KIF18A: variants seen among roughly 807,000 people sequenced by gnomAD.
KIF18A encodes the protein kinesin-like protein KIF18A.
KIF18A carries 67 observed loss-of-function variants against 103.3 expected under a neutral mutation model. The observed-to-expected ratio is 0.65, with a 90% CI of 0.53 to 0.79. KIF18A has a LOEUF of 0.79. Among genes scored for constraint, KIF18A ranks in the 30% least tolerant of loss-of-function variants. The pLI, the probability that KIF18A is intolerant of heterozygous loss-of-function variation, is 0.00. For synonymous variants in KIF18A, 367 were observed against 355.5 expected, an observed-to-expected ratio of 1.03 and a Z score of -0.36; for missense variants, 1,032 against 1,062.5, an observed-to-expected ratio of 0.97 and a Z score of 0.40.
intron 3 of KIF18A, among the ~76,000 whole-genome samples, chr11:28,093,529 T>G (rs1480572147): frequency 1.3e-5 from 2 of 152,138 alleles, no homozygotes; most frequent in Non-Finnish European, 2.9e-5. Context: ...TTAGTTACCA[T>G]TTGTTGACTA....
intron 15 of KIF18A, among the ~76,000 whole-genome samples, chr11:28,033,745 TG>T (rs796833064): frequency 1.3e-5 from 2 of 151,558 alleles, no homozygotes; most frequent in African/African-American, 4.8e-5. Context: ...GGATGGTTAA[TG>T]GGGGGATGCT....
rs981327353 is a variant in KIF18A at position 28,092,784 on chromosome 11, C to T, written c.484-1271G>A. Among the ~76,000 whole-genome samples the T allele has an allele frequency of 2.0e-5, 3 of 152,108 alleles. No homozygotes were observed. The East Asian group carries it at 5.8e-4, about 29-fold the overall frequency. The stretch of plus-strand genomic sequence containing the variant: ...ACAATTCTCTACAATGAATGATAGG[C>T]ATTAGAATGTAATAAACCCTTAAAA... On this transcript the variant is annotated intron_variant, in intron 3 of 16. Coordinates refer to ENST00000263181, the MANE Select transcript of KIF18A (RefSeq NM_031217.4).
chr11:28,084,750 G>T lies in KIF18A; in HGVS notation c.956C>A (p.Ser319Tyr). The change falls in exon 7 of 17, where the codon TCT (serine) becomes TAT (tyrosine). Residue 319 changes from serine to tyrosine, a missense_variant. Ser to Tyr is a moderately radical substitution (Grantham distance 144). Transcript: ENST00000263181. ...TATAGTTTGACAGTTTCCTCCAAGA[G>T]AATCCTTTAACAAGCGAGTAAGCTT... ...NSKLTRLLKD[S>Y]LGGNCQTIMI... 2 of 1,613,000 alleles carry T rather than the reference G, an allele frequency of 1.2e-6. No homozygotes were observed. Among genetic ancestry groups the T allele is most frequent in the South Asian group, 1.1e-5 (1 of 91,046 alleles).
intron 1 of KIF18A, among the ~76,000 whole-genome samples, chr11:28,105,737 A>G (rs1851496044): frequency 6.6e-6 from 1 of 152,218 alleles, no homozygotes; most frequent in Non-Finnish European, 1.5e-5. Context: ...CTTGTCAGAT[A>G]TCACAGAGTG....
chr11:28,066,240 A>C (rs1850921701), intron 11 of KIF18A, among the ~76,000 whole-genome samples: 1 of 152,092 alleles, frequency 6.6e-6, no homozygotes, highest in Non-Finnish European at 1.5e-5. Flanking sequence ...AATAAACTGA[A>C]AAGTACTGTC....
rs750548865 is a variant in KIF18A at position 28,066,832 on chromosome 11, T to TATTAC, written c.1590+2426_1590+2427insGTAAT. 8.1e-3 allele frequency among the ~76,000 whole-genome samples: 1,208 copies of TATTAC among 148,884 alleles called. 10 individuals carry two copies. Among genetic ancestry groups the TATTAC allele is most frequent in the South Asian group, 0.019 (90 of 4,754 alleles). Reference sequence around the variant, plus strand: ...TATTATATTATATTATATTATATTATATGATGCAGTTAACTCTGTTGTTAA... The same window carrying TATTAC: ...TATTATATTATATTATATTATATTATATTACATGATGCAGTTAACTCTGTTGTTAA... On this transcript the variant is annotated intron_variant, in intron 11 of 16. Transcript: ENST00000263181.
At chr11:28,091,067 G>A (rs890794643) in intron 4 of KIF18A, among the ~76,000 whole-genome samples, 1 of 151,788 alleles carries the variant, frequency 6.6e-6, no homozygotes, top group Non-Finnish European at 1.5e-5. Flanking sequence ...ATAACATGGT[G>A]AACTCCCGCT....
intron 14 of KIF18A, among the ~76,000 whole-genome samples, chr11:28,035,723 G>A (rs897474507): frequency 6.6e-6 from 1 of 151,518 alleles, no homozygotes; most frequent in Non-Finnish European, 1.5e-5. Flanking sequence ...GCATAGAATA[G>A]TGAAGGTATT....
chr11:28,062,729 T>A (rs1034596674), intron 11 of KIF18A, among the ~76,000 whole-genome samples: 1 of 152,062 alleles, frequency 6.6e-6, no homozygotes, highest in Non-Finnish European at 1.5e-5. Flanking sequence ...AACTGAATGT[T>A]AGGAATTCAG....
chr11:28,079,268 A>G lies in KIF18A; in HGVS notation c.1263-2099T>C, dbSNP rs1285158010. ...TATGGAATCAGTTACTCTAAATTTG[A>G]GAAGCTGGAGAATTCTAATAGATAT... On this transcript the variant is annotated intron_variant, in intron 9 of 16. Coordinates refer to ENST00000263181, the MANE Select transcript of KIF18A (RefSeq NM_031217.4). Among the ~76,000 whole-genome samples the G allele has an allele frequency of 3.9e-5, 6 of 152,060 alleles. No homozygotes were observed. The East Asian group carries it at 1.2e-3, about 29-fold the overall frequency.
At chr11:28,025,354 T>C (rs1850303392) in intron 15 of KIF18A, among the ~76,000 whole-genome samples, 1 of 152,086 alleles carries the variant, frequency 6.6e-6, no homozygotes, top group Non-Finnish European at 1.5e-5. Flanking sequence ...AGAAATTCTT[T>C]TTTGATCATT....
rs76754572 is a variant in KIF18A at position 28,105,849 on chromosome 11, C to A, written c.-47+2215G>T. Among the ~76,000 whole-genome samples, 50 of 152,314 alleles carry A rather than the reference C, an allele frequency of 3.3e-4. No homozygotes were observed. In the East Asian group the frequency reaches 9.6e-3, roughly 29 times the overall value. On this transcript the variant is annotated intron_variant, in intron 1 of 16. Coordinates refer to ENST00000263181, the MANE Select transcript of KIF18A (RefSeq NM_031217.4). Reference sequence around the variant, plus strand: ...TGCTTTTCATTTGAGTATGTACACTCTGTCTCATGCATTATAGTAAACACT... The same window carrying A: ...TGCTTTTCATTTGAGTATGTACACTATGTCTCATGCATTATAGTAAACACT...
chr11:28,063,726 G>C (rs1458491940), intron 11 of KIF18A, among the ~76,000 whole-genome samples: 1 of 151,910 alleles, frequency 6.6e-6, no homozygotes, highest in African/African-American at 2.4e-5. Context: ...ATTTTGAATG[G>C]CTAAGACAGG....
chr11:28,035,566 T>G (rs1295335188), intron 14 of KIF18A, 72 bp from the exon 15 acceptor site: 1 of 797,890 alleles, frequency 1.3e-6, no homozygotes, highest in Non-Finnish European at 1.8e-6. Context: ...GAAGCAAATG[T>G]GTCCATAATT....
chr11:28,097,760 T>C lies in KIF18A; in HGVS notation c.188A>G (p.Asn63Ser), dbSNP rs777468889. The C allele has an allele frequency of 1.2e-6, 2 of 1,611,754 alleles. No homozygotes were observed. The highest frequency in any genetic ancestry group is 1.7e-6 in the Non-Finnish European group (2 of 1,178,446). ...FFHGKKTTNQ[N>S]VIKKQNKDLK... ...ATCCTTATTTTGTTTCTTTATAACA[T>C]TTTGATTTGTAGTTTTCTTTCCATG... Residue 63 changes from asparagine (N) to serine (S), a missense_variant, in exon 2 of 17, where the codon AAT becomes AGT. Coordinates refer to ENST00000263181, the MANE Select transcript of KIF18A (RefSeq NM_031217.4).
At chr11:28,031,294 A>C (rs1435637067) in intron 15 of KIF18A, among the ~76,000 whole-genome samples, 1 of 152,210 alleles carries the variant, frequency 6.6e-6, no homozygotes, top group Non-Finnish European at 1.5e-5. Context: ...AATGTCCATC[A>C]ATGATAGACT....
chr11:28,036,793 T>C, intron 13 of KIF18A, 129 bp from the exon 14 acceptor site: 1 of 549,968 alleles, frequency 1.8e-6, no homozygotes, highest in Non-Finnish European at 3.0e-6. Context: ...ATCTGAAAAA[T>C]ATAAGTTGGA....
chr11:28,028,187 G>T (rs555534693), intron 15 of KIF18A, among the ~76,000 whole-genome samples: 44 of 151,876 alleles, frequency 2.9e-4, no homozygotes, highest in African/African-American at 9.9e-4. Flanking sequence ...CTTAATAGAC[G>T]TCTACAGAAC....
chr11:28,079,624 A>G (rs1239136879), intron 9 of KIF18A, among the ~76,000 whole-genome samples: 2 of 152,118 alleles, frequency 1.3e-5, no homozygotes, highest in African/African-American at 4.8e-5. Context: ...TCTCATACTA[A>G]TAACAGATAA....
Sources: gnomAD v4.1 joint callset for allele counts (sites outside exome capture counted in the v4.1 genomes callset) on GRCh38, gnomAD v4.1.1 for gene constraint, MANE v1.5 for transcripts, NCBI Gene and HGNC (gene_info 2026-07-23, HGNC 2026-07-21) for gene names.